Variants in EMB observed in about 807,000 individuals in gnomAD.
The protein encoded by EMB is embigin homolog.
A neutral mutation model predicts 41.4 loss-of-function variants in EMB; 31 were observed. The ratio of observed to expected loss-of-function variants is 0.75; its 90% CI spans 0.56 to 1.01. The LOEUF (loss-of-function observed/expected upper bound fraction) is 1.01, where lower values mean the gene tolerates loss of function less well. EMB is among the 50% of genes least tolerant of loss of function. EMB has a pLI of 0.00. For missense variants in EMB, 379 were observed against 388.3 expected (o/e 0.98, Z 0.20); for synonymous variants, 137 against 140.4 (o/e 0.98, Z 0.17).
chr5:50,440,190 T>A (rs1050216724), intron 1 of EMB, among the ~76,000 whole-genome samples: 4 of 152,070 alleles, frequency 2.6e-5, no homozygotes, highest in African/African-American at 7.2e-5. Context: ...AAGTTGTGGA[T>A]CTTTGGTTGG....
rs190678444 is a variant in EMB at position 50,423,638 on chromosome 5, C to T, written c.196+4506G>A. On this transcript the variant is annotated intron_variant, in intron 2 of 8. Transcript: ENST00000303221. ...GATTATGTCACCAGGATGGACAATG[C>T]ATTCTTCCACAGAGGGTTTTTCATT... Among the ~76,000 whole-genome samples the T allele has an allele frequency of 3.7e-3, 570 of 152,226 alleles. 2 individuals are homozygous for T. Among genetic ancestry groups the T allele is most frequent in the Admixed American group, 9.7e-3 (148 of 15,274 alleles).
intron 2 of EMB, among the ~76,000 whole-genome samples, chr5:50,421,501 T>C (rs1745522682): frequency 1.3e-5 from 2 of 152,036 alleles, no homozygotes; most frequent in African/African-American, 4.8e-5. Context: ...TCCTCAGGGA[T>C]CTAGAACTAG....
At chr5:50,437,232 C>T (rs965133440) in intron 1 of EMB, among the ~76,000 whole-genome samples, 12 of 151,924 alleles carry the variant, frequency 7.9e-5, no homozygotes, top group Admixed American at 1.3e-4. Flanking sequence ...GAGTGTGCCT[C>T]GGTACTCCAG....
rs181277957 is a variant in EMB at position 50,434,015 on chromosome 5, T to C, written c.113-5788A>G. 7.8e-3 allele frequency among the ~76,000 whole-genome samples: 1,194 copies of C among 152,336 alleles called. 6 individuals are homozygous for C. Among genetic ancestry groups the C allele is most frequent in the Middle Eastern group, 0.02 (6 of 294 alleles). ...TGTTCAAATCTCCTTCTCCTTTTTT[T>C]ATAAAGACCAGTCATTAGGTTTAGG... On this transcript the variant is annotated intron_variant, in intron 1 of 8. Transcript: ENST00000303221.
chr5:50,419,157 T>A (rs372552406), intron 2 of EMB, among the ~76,000 whole-genome samples: 2 of 152,218 alleles, frequency 1.3e-5, no homozygotes, highest in South Asian at 2.1e-4. Context: ...CCTGGCCCTG[T>A]ATGCTCCCCT....
chr5:50,426,505 T>C (rs1198802404), intron 2 of EMB, among the ~76,000 whole-genome samples: 4 of 152,188 alleles, frequency 2.6e-5, no homozygotes, highest in Admixed American at 6.5e-5. Flanking sequence ...TCGAGAATCT[T>C]TGGATAAGTA....
At chr5:50,419,730 G>A (rs537360908) in intron 2 of EMB, among the ~76,000 whole-genome samples, 5 of 152,224 alleles carry the variant, frequency 3.3e-5, no homozygotes, top group African/African-American at 7.2e-5. Context: ...ACATGCACAC[G>A]TATGTTCATT....
intron 7 of EMB, among the ~76,000 whole-genome samples, chr5:50,400,441 G>T (rs7712749): frequency 0.51 from 76,640 of 151,504 alleles, 20,291 homozygotes; most frequent in African/African-American, 0.66. Context: ...GGGGGCAGGC[G>T]TCAATTATCA....
upstream of EMB, among the ~76,000 whole-genome samples, chr5:50,442,415 C>T (rs533728930): frequency 6.6e-5 from 10 of 152,108 alleles, no homozygotes; most frequent in African/African-American, 1.7e-4. Context: ...ATGAATAATA[C>T]AATTCATTCA....
intron 6 of EMB, among the ~76,000 whole-genome samples, chr5:50,402,876 CAAA>C (rs564451334): frequency 2.2e-4 from 12 of 54,642 alleles, no homozygotes; most frequent in African/African-American, 3.8e-4. Flanking sequence ...CCAGTAGCAC[CAAA>C]AAAAAAAAAA....
chr5:50,433,552 T>C (rs1175455307), intron 1 of EMB, among the ~76,000 whole-genome samples: 2 of 152,192 alleles, frequency 1.3e-5, no homozygotes, highest in African/African-American at 4.8e-5. Context: ...CAATTGTTAG[T>C]CTATTCGATA....
chr5:50,439,506 T>TTC (rs1745860737), intron 1 of EMB, among the ~76,000 whole-genome samples: 1 of 133,780 alleles, frequency 7.5e-6, no homozygotes, highest in Non-Finnish European at 1.6e-5. Context: ...TTTTTTTTTT[T>TTC]AATAAAGAAG....
At chr5:50,414,485 A>G (rs1002618029) in intron 2 of EMB, among the ~76,000 whole-genome samples, 3 of 143,400 alleles carry the variant, frequency 2.1e-5, no homozygotes, top group African/African-American at 7.8e-5. Context: ...AGGTGGCACT[A>G]CTGCACGCCA....
chr5:50,420,401 A>T (rs544388141), intron 2 of EMB, among the ~76,000 whole-genome samples: 58 of 152,316 alleles, frequency 3.8e-4, no homozygotes, highest in African/African-American at 1.4e-3. Context: ...CATGGTATCA[A>T]CTTCTAAGGT....
rs535736831 is a variant in EMB, at chr5:50,423,804, C to T, written c.196+4340G>A. 5.3e-5 allele frequency among the ~76,000 whole-genome samples: 8 copies of T among 152,204 alleles called. No individual in the cohort carries two copies. The South Asian group carries it at 8.3e-4, about 16-fold the overall frequency. Reference sequence around the variant, plus strand: ...ACAGGCCCACGTCTTTAAATAATAACGGAAATCTTTGGGGATTTGCAGGTT... The same window carrying T: ...ACAGGCCCACGTCTTTAAATAATAATGGAAATCTTTGGGGATTTGCAGGTT... On this transcript the variant is annotated intron_variant, in intron 2 of 8. Transcript: ENST00000303221.
chr5:50,433,350 A>AAG (rs1554025832), intron 1 of EMB, among the ~76,000 whole-genome samples: 6 of 151,956 alleles, frequency 3.9e-5, no homozygotes, highest in Admixed American at 1.3e-4. Context: ...TCTTTAAAAA[A>AAG]ATATAATTTT....
At position 50,431,606 on chromosome 5, in the gene EMB, C is replaced by G. The variant is rs563999461; in HGVS notation, c.113-3379G>C. Among the ~76,000 whole-genome samples, 60 of 152,168 alleles carry G rather than the reference C, an allele frequency of 3.9e-4. 1 individual carries two copies. In the South Asian group the frequency reaches 0.012, roughly 31 times the overall value. ...TTGAAAATATGTCTCCACTGTAAACCTCATCTGATAGGGAAAAAAAATGAG... is the reference window on the plus strand; with the variant it reads ...TTGAAAATATGTCTCCACTGTAAACGTCATCTGATAGGGAAAAAAAATGAG... On this transcript the variant is annotated intron_variant, in intron 1 of 8. Transcript: ENST00000303221.
At chr5:50,400,506 T>C (rs1745144037) in intron 7 of EMB, among the ~76,000 whole-genome samples, 1 of 151,894 alleles carries the variant, frequency 6.6e-6, no homozygotes, top group Admixed American at 6.6e-5. Context: ...ATAATTAATA[T>C]TTTCTAAAAA....
intron 2 of EMB, among the ~76,000 whole-genome samples, chr5:50,420,611 A>G (rs1396799342): frequency 6.6e-6 from 1 of 152,152 alleles, no homozygotes; most frequent in East Asian, 1.9e-4. Flanking sequence ...TTTCATATTA[A>G]TTTGTTTACT....
Sources: gnomAD v4.1 joint callset for allele counts (sites outside exome capture counted in the v4.1 genomes callset) on GRCh38, gnomAD v4.1.1 for gene constraint, MANE v1.5 for transcripts, NCBI Gene and HGNC (gene_info 2026-07-23, HGNC 2026-07-21) for gene names.